The following VEPH1 variants were observed in gnomAD, a reference collection of about 807,000 sequenced individuals.
VEPH1 encodes the protein ventricular zone expressed PH domain containing 1.
In VEPH1, 80 loss-of-function variants were observed where a neutral mutation model predicts 85.2. The observed-to-expected ratio is 0.94, with a 90% CI of 0.78 to 1.13. VEPH1 has a LOEUF of 1.13. Ranked by LOEUF, VEPH1 falls within the 50% of genes most tolerant of loss-of-function variation. The pLI is 0.00. For missense variants in VEPH1, 955 were observed against 980.5 expected, an observed-to-expected ratio of 0.97 and a Z score of 0.35; for synonymous variants, 297 against 348.0, an observed-to-expected ratio of 0.85 and a Z score of 1.63.
intron 6 of VEPH1, among the ~76,000 whole-genome samples, chr3:157,406,120 T>C (rs961680247): frequency 6.6e-6 from 1 of 152,198 alleles, no homozygotes; most frequent in Admixed American, 6.5e-5. Context: ...ATTTTCATTT[T>C]GGAAAAAAAT....
At chr3:157,367,759 T>G (rs977405519) in intron 7 of VEPH1, among the ~76,000 whole-genome samples, 3 of 152,200 alleles carry the variant, frequency 2.0e-5, no homozygotes, top group Non-Finnish European at 2.9e-5. Flanking sequence ...AGTTCTCCTA[T>G]CTCAGCCTTC....
chr3:157,437,083 T>C, intron 4 of VEPH1: 1 of 1,612,212 alleles, frequency 6.2e-7, no homozygotes, highest in South Asian at 1.1e-5. Context: ...CTTTAACTGT[T>C]TCTCTGCTAA....
At chr3:157,368,192 T>C (rs1042852578) in intron 7 of VEPH1, among the ~76,000 whole-genome samples, 3 of 152,178 alleles carry the variant, frequency 2.0e-5, no homozygotes, top group Non-Finnish European at 2.9e-5. Flanking sequence ...TTAGATTTTA[T>C]TACTGTCAGG....
At chr3:157,322,266 C>G (rs966636549) in intron 9 of VEPH1, among the ~76,000 whole-genome samples, 2 of 152,302 alleles carry the variant, frequency 1.3e-5, no homozygotes, top group Admixed American at 1.3e-4. Flanking sequence ...AATGTTCATA[C>G]ACATGGTAGC....
intron 3 of VEPH1, among the ~76,000 whole-genome samples, chr3:157,469,617 A>G (rs1736726665): frequency 6.6e-6 from 1 of 152,244 alleles, no homozygotes; most frequent in Non-Finnish European, 1.5e-5. Context: ...TTGTTTTCCA[A>G]CTTATTTCAT....
chr3:157,366,629 G>T (rs1338544694), intron 7 of VEPH1, among the ~76,000 whole-genome samples: 2 of 152,074 alleles, frequency 1.3e-5, no homozygotes, highest in South Asian at 4.2e-4. Context: ...CAGCTACTCG[G>T]GAGGCTGAGG....
chr3:157,304,289 A>G (rs1160629537), intron 11 of VEPH1, among the ~76,000 whole-genome samples: 1 of 151,952 alleles, frequency 6.6e-6, no homozygotes, highest in Non-Finnish European at 1.5e-5. Flanking sequence ...CAAATCACCA[A>G]ATGTTAGCCA....
intron 6 of VEPH1, among the ~76,000 whole-genome samples, chr3:157,398,283 T>C (rs188627213): frequency 1.3e-5 from 2 of 152,284 alleles, no homozygotes; most frequent in African/African-American, 4.8e-5. Context: ...AATTTGGTGA[T>C]CTGTAGTCAA....
intron 7 of VEPH1, among the ~76,000 whole-genome samples, chr3:157,373,288 G>C (rs1727714965): frequency 6.6e-6 from 1 of 152,140 alleles, no homozygotes; most frequent in African/African-American, 2.4e-5. Context: ...TACATATTAG[G>C]GCACTGGTGA....
intron 12 of VEPH1, among the ~76,000 whole-genome samples, chr3:157,282,603 T>G (rs2108352060): frequency 6.6e-6 from 1 of 152,312 alleles, no homozygotes. Context: ...TTTTGTAGGG[T>G]GTAAGAACAA....
chr3:157,467,947 A>T (rs1279288872), intron 3 of VEPH1, among the ~76,000 whole-genome samples: 1 of 152,164 alleles, frequency 6.6e-6, no homozygotes, highest in African/African-American at 2.4e-5. Flanking sequence ...AATTCCTTAC[A>T]CCATACCCCA....
intron 9 of VEPH1, among the ~76,000 whole-genome samples, chr3:157,360,487 A>T (rs1577439667): frequency 6.6e-6 from 1 of 152,180 alleles, no homozygotes; most frequent in South Asian, 2.1e-4. Context: ...TTTTTGGGAA[A>T]AAAAAGCAAA....
At chr3:157,485,998 C>T (rs1368421755) in intron 2 of VEPH1, among the ~76,000 whole-genome samples, 1 of 151,910 alleles carries the variant, frequency 6.6e-6, no homozygotes. Flanking sequence ...ATTGGCAAAC[C>T]CAAAATTATA....
In VEPH1 at chr3:157,410,183, A is replaced by G. The variant is rs77473374; in HGVS notation, c.906+3698T>C. 4.3e-3 allele frequency among the ~76,000 whole-genome samples: 655 copies of G among 152,294 alleles called. 10 individuals carry two copies. Among genetic ancestry groups the G allele is most frequent in the African/African-American group, 0.015 (621 of 41,574 alleles). On this transcript the variant is annotated intron_variant, in intron 6 of 13. Transcript: ENST00000362010. ...ATGGAGTCAATTTTTAGATGAGACC[A>G]GAATAGGATAAGGGAGACGATCCTA...
At chr3:157,440,610 T>TTATATACATATATGTATGTATACA (rs1192975945) in intron 4 of VEPH1, among the ~76,000 whole-genome samples, 2 of 152,014 alleles carry the variant, frequency 1.3e-5, no homozygotes, top group Non-Finnish European at 2.9e-5. Flanking sequence ...ACACACACAT[T>TTATATACATATATGTATGTATACA]TATATACATA....
At chr3:157,429,206 A>AT (rs1294761503) in intron 4 of VEPH1, among the ~76,000 whole-genome samples, 2 of 152,078 alleles carry the variant, frequency 1.3e-5, no homozygotes, top group Non-Finnish European at 2.9e-5. Flanking sequence ...TATGGTATAG[A>AT]TTTTTTTTCT....
chr3:157,401,966 T>C (rs896780600), intron 6 of VEPH1, among the ~76,000 whole-genome samples: 1 of 152,142 alleles, frequency 6.6e-6, no homozygotes, highest in Non-Finnish European at 1.5e-5. Flanking sequence ...CATTTGTAGC[T>C]CCCCTTTATG....
At chr3:157,366,412 T>A (rs1726697412) in intron 7 of VEPH1, among the ~76,000 whole-genome samples, 1 of 151,584 alleles carries the variant, frequency 6.6e-6, no homozygotes, top group African/African-American at 2.4e-5. Flanking sequence ...AGGAAAAACA[T>A]CCTTAAAAAA....
At chr3:157,350,850 T>A (rs1472487651) in intron 9 of VEPH1, among the ~76,000 whole-genome samples, 1 of 152,242 alleles carries the variant, frequency 6.6e-6, no homozygotes, top group South Asian at 2.1e-4. Context: ...ACAGTGGCTA[T>A]TATCAAAAAG....
Sources: gnomAD v4.1 joint callset for allele counts (sites outside exome capture counted in the v4.1 genomes callset) on GRCh38, gnomAD v4.1.1 for gene constraint, MANE v1.5 for transcripts, NCBI Gene and HGNC (gene_info 2026-07-23, HGNC 2026-07-21) for gene names.